Variants in NIPBL observed in about 807,000 individuals in gnomAD.
NIPBL encodes the protein NIPBL cohesin loading factor.
NIPBL carries 19 observed loss-of-function variants against 321.8 expected under a neutral mutation model. That is an observed-to-expected ratio of 0.06 (90% CI 0.04 to 0.09). The LOEUF is 0.09. Among genes scored for constraint, NIPBL ranks in the 10% least tolerant of loss-of-function variants. The pLI is 1.00. For missense variants in NIPBL, 2,210 were observed against 3,327.0 expected, an observed-to-expected ratio of 0.66 and a Z score of 8.26; for synonymous variants, 1,106 against 1,114.1, an observed-to-expected ratio of 0.99 and a Z score of 0.14.
intron 32 of NIPBL, among the ~76,000 whole-genome samples, 158 bp downstream of exon 32, chr5:37,027,570 A>T (rs1580516240): frequency 1.7e-5 from 2 of 117,550 alleles, no homozygotes; most frequent in African/African-American, 3.2e-5. Context: ...TGATTTTGTT[A>T]ATTTCTATAA....
Position 37,026,334 on chromosome 5 carries a change from A to T in NIPBL, c.5808+7A>T. On this transcript the variant is annotated splice_region_variant and intron_variant, in intron 31 of 46. Transcript: ENST00000282516. The stretch of plus-strand genomic sequence containing the variant: ...TTTAAACATTACCGATGTGGTAAGA[A>T]GGACTGGAACAAGGGTGTGGTCACT... 6.5e-7 allele frequency: 1 copy of T among 1,546,552 alleles called. No individual in the cohort carries two copies. The highest frequency in any genetic ancestry group is 1.7e-5 in the Admixed American group (1 of 59,670).
rs1744547848 is a variant in NIPBL at position 36,984,751 on chromosome 5, C to T, written c.1571C>T (p.Ala524Val). 6.2e-7 allele frequency: 1 copy of T among 1,613,738 alleles called. No individual in the cohort carries two copies. Reference sequence around the variant, plus strand: ...GGTGCTACAGGAGGTAATAGACCAGCTTCTCAGGAGACGGGTTCTACGGGA... The same window carrying T: ...GGTGCTACAGGAGGTAATAGACCAGTTTCTCAGGAGACGGGTTCTACGGGA... ...AGGATGGNRP[A>V]SQETGSTGNG... Residue 524 changes from alanine to valine, a missense_variant, in exon 10 of 47, where the codon GCT becomes GTT. By Grantham distance (64) the Ala-to-Val change is moderately conservative. Coordinates refer to ENST00000282516, the MANE Select transcript of NIPBL (RefSeq NM_133433.4).
intron 6 of NIPBL, among the ~76,000 whole-genome samples, chr5:36,966,843 G>A (rs1561089140): frequency 6.6e-6 from 1 of 151,998 alleles, no homozygotes; most frequent in Non-Finnish European, 1.5e-5. Context: ...TTAATAAGCT[G>A]TTTGTATTTT....
Position 36,962,289 on chromosome 5 carries a change from T to G in NIPBL, c.610+15T>G, listed in dbSNP as rs774048809. 4.3e-6 allele frequency: 7 copies of G among 1,613,948 alleles called. No individual in the cohort carries two copies. The highest frequency in any genetic ancestry group is 5.9e-6 in the Non-Finnish European group (7 of 1,179,840). ...GATGCAACAAGGTAAGAAAGTTGTTTGTAACTTCACTGGGAATGTCTAAGT... is the reference window on the plus strand; with the variant it reads ...GATGCAACAAGGTAAGAAAGTTGTTGGTAACTTCACTGGGAATGTCTAAGT... On this transcript the variant is annotated intron_variant, in intron 6 of 46. Transcript: ENST00000282516.
intron 1 of NIPBL, among the ~76,000 whole-genome samples, chr5:36,912,605 G>C (rs1025681676): frequency 6.6e-6 from 1 of 151,160 alleles, no homozygotes; most frequent in Non-Finnish European, 1.5e-5. Context: ...GGATTCAAGC[G>C]ATTCTCCTGC....
In NIPBL at chr5:36,985,068, T is replaced by C. The variant is rs1346265249; in HGVS notation, c.1888T>C (p.Leu630=). 7 of 1,613,544 alleles carry C rather than the reference T, an allele frequency of 4.3e-6. No individual in the cohort carries two copies. The highest frequency in any genetic ancestry group is 5.9e-6 in the Non-Finnish European group (7 of 1,179,902). ...AGAATCTAAACCAAATGAAAACCGA[T>C]TGGTGGAGACAAAATCAAGTGAAAA... The part of the protein sequence containing the change: ...LAESKPNENR[L]VETKSSENKL... The change falls in exon 10 of 47, where the codon TTG becomes CTG. Residue 630 remains leucine (L), a synonymous_variant. Coordinates refer to ENST00000282516, the MANE Select transcript of NIPBL (RefSeq NM_133433.4).
chr5:36,963,097 T>C (rs1332492536), intron 6 of NIPBL, among the ~76,000 whole-genome samples: 1 of 152,160 alleles, frequency 6.6e-6, no homozygotes, highest in Non-Finnish European at 1.5e-5. Flanking sequence ...GTTCTTAATG[T>C]CATAATGTTG....
chr5:36,907,245 G>A (rs150013589), intron 1 of NIPBL, among the ~76,000 whole-genome samples: 7 of 152,080 alleles, frequency 4.6e-5, no homozygotes, highest in African/African-American at 1.7e-4. Context: ...TATAGACTTA[G>A]TTGTTGCGAT....
rs1201383092 is a variant in NIPBL at position 37,045,974 on chromosome 5, A to C, written c.6499-135A>C. 6.4e-6 allele frequency: 4 copies of C among 623,788 alleles called. No homozygotes were observed. The African/African-American group carries it at 7.4e-5, about 12-fold the overall frequency. The allele number at this position is 623,788 out of a possible 1,614,324, so 38.6% of individuals were successfully genotyped here. Reference sequence around the variant, plus strand: ...CTTTGAATGCCACTGTTCTAAAATAAATGGAATTGGTTACTTATTTTTTTA... The same window carrying C: ...CTTTGAATGCCACTGTTCTAAAATACATGGAATTGGTTACTTATTTTTTTA... On this transcript the variant is annotated intron_variant, in intron 37 of 46. Transcript: ENST00000282516.
intron 22 of NIPBL, among the ~76,000 whole-genome samples, chr5:37,015,699 C>T (rs976959615): frequency 6.6e-6 from 1 of 152,070 alleles, no homozygotes; most frequent in African/African-American, 2.4e-5. Flanking sequence ...CCACTGCACT[C>T]CAGCCTGGGT....
chr5:37,011,397 A>G (rs1398742040), intron 21 of NIPBL, among the ~76,000 whole-genome samples: 2 of 152,190 alleles, frequency 1.3e-5, no homozygotes, highest in Non-Finnish European at 2.9e-5. Flanking sequence ...TCTACAAAAA[A>G]TACACAAATT....
intron 1 of NIPBL, among the ~76,000 whole-genome samples, chr5:36,923,952 G>A (rs1749153332): frequency 6.6e-6 from 1 of 152,144 alleles, no homozygotes; most frequent in Admixed American, 6.5e-5. Context: ...ATATTTGCAA[G>A]TTCCAAGTTA....
intron 10 of NIPBL, 177 bp from the exon 11 acceptor site, chr5:36,995,445 A>G (rs1228108093): frequency 3.5e-6 from 2 of 573,760 alleles, no homozygotes; most frequent in Non-Finnish European, 6.1e-6. Flanking sequence ...ATGTACACAT[A>G]CATATATATT....
At chr5:36,999,962 C>A (rs1004209632) in intron 11 of NIPBL, among the ~76,000 whole-genome samples, 12 of 152,128 alleles carry the variant, frequency 7.9e-5, no homozygotes, top group African/African-American at 2.9e-4. Context: ...AACCCTGCTC[C>A]CCATCAGTAA....
intron 1 of NIPBL, among the ~76,000 whole-genome samples, chr5:36,934,658 A>G (rs1197203717): frequency 6.6e-6 from 1 of 152,126 alleles, no homozygotes; most frequent in Non-Finnish European, 1.5e-5. Context: ...TTAAGGGGAA[A>G]TGATTGTCAC....
intron 1 of NIPBL, among the ~76,000 whole-genome samples, chr5:36,883,838 A>G (rs1745683040): frequency 6.6e-6 from 1 of 151,416 alleles, no homozygotes; most frequent in African/African-American, 2.4e-5. Flanking sequence ...TTTGGTAATG[A>G]CCAAGTTGAA....
At chr5:36,946,430 T>A (rs1243297443) in intron 1 of NIPBL, among the ~76,000 whole-genome samples, 2 of 152,122 alleles carry the variant, frequency 1.3e-5, no homozygotes, top group Non-Finnish European at 2.9e-5. Flanking sequence ...GGATGGTAGC[T>A]GTTTCCTGTA....
rs1439543757 is a variant in NIPBL, at chr5:37,065,493, T to G, written c.*601T>G. The G allele has an allele frequency of 6.5e-6, 1 of 152,730 alleles. No individual in the cohort carries two copies. The highest frequency in any genetic ancestry group is 1.5e-5 in the Non-Finnish European group (1 of 68,076). 9.5% of individuals were successfully genotyped at this position (152,730 alleles called of 1,614,324 possible). A position where few individuals can be genotyped will look rare whatever the true frequency, so the allele number is the denominator to read the frequency against. On this transcript the variant is annotated 3_prime_UTR_variant, in exon 47 of 47. Transcript: ENST00000282516. ...CGAATACTGCAATAAATTTTTTTAC[T>G]TCTCTTTGTTACTTGTCTGTTTCCA...
chr5:36,940,690 A>G (rs1456450838), intron 1 of NIPBL, among the ~76,000 whole-genome samples: 1 of 152,166 alleles, frequency 6.6e-6, no homozygotes, highest in Non-Finnish European at 1.5e-5. Context: ...CTGGAATGTT[A>G]AGAGTGGGGA....
Sources: gnomAD v4.1 joint callset for allele counts (sites outside exome capture counted in the v4.1 genomes callset) on GRCh38, gnomAD v4.1.1 for gene constraint, MANE v1.5 for transcripts, NCBI Gene and HGNC (gene_info 2026-07-23, HGNC 2026-07-21) for gene names.